CRB1: variants seen among roughly 807,000 people sequenced by gnomAD.
CRB1 encodes crumbs cell polarity complex component 1.
In CRB1, 83 loss-of-function variants were observed where a neutral mutation model predicts 120.0. The observed-to-expected ratio is 0.69, with a 90% CI of 0.58 to 0.83. CRB1 has a LOEUF of 0.83. Ranked by LOEUF, CRB1 falls within the 40% of genes least tolerant of loss-of-function variation. The pLI, the probability that CRB1 is intolerant of heterozygous loss-of-function variation, is 0.00. For synonymous variants in CRB1, 625 were observed against 612.5 expected, an observed-to-expected ratio of 1.02 and a Z score of -0.30; for missense variants, 1,699 against 1,687.6, an observed-to-expected ratio of 1.01 and a Z score of -0.12.
chr1:197,293,701 G>C (rs1483200303), intron 1 of CRB1, among the ~76,000 whole-genome samples: 2 of 152,074 alleles, frequency 1.3e-5, no homozygotes, highest in Non-Finnish European at 2.9e-5. Context: ...CATGGTACTG[G>C]TTCCAAAACA....
At chr1:197,343,205 T>C (rs951840274) in intron 2 of CRB1, among the ~76,000 whole-genome samples, 1 of 152,194 alleles carries the variant, frequency 6.6e-6, no homozygotes, top group African/African-American at 2.4e-5. Flanking sequence ...ATTGAACTAC[T>C]ACTGACTTCT....
intron 5 of CRB1, among the ~76,000 whole-genome samples, chr1:197,414,314 A>G (rs1663861203): frequency 1.3e-5 from 2 of 152,130 alleles, no homozygotes; most frequent in South Asian, 2.1e-4. Context: ...ATATAACTTC[A>G]TATTAGATAT....
intron 5 of CRB1, among the ~76,000 whole-genome samples, chr1:197,402,290 T>C (rs1036172853): frequency 2.6e-5 from 4 of 152,230 alleles, no homozygotes; most frequent in African/African-American, 4.8e-5. Flanking sequence ...CTCTCACTTA[T>C]ATGTGAGAAC....
intron 4 of CRB1, among the ~76,000 whole-genome samples, chr1:197,349,045 CCA>C (rs1407737358): frequency 6.6e-6 from 1 of 152,104 alleles, no homozygotes; most frequent in Non-Finnish European, 1.5e-5. Flanking sequence ...TTCCAGACCT[CCA>C]AGCTCTATTC....
At chr1:197,245,254 A>G in the CRB1 span, among the ~76,000 whole-genome samples, 22 of 151,868 alleles carry the variant, frequency 1.4e-4, no homozygotes, top group East Asian at 3.7e-3. Flanking sequence ...GAGACTTTCT[A>G]TTTCTTTAAG....
chr1:197,367,995 G>A (rs993948691), intron 5 of CRB1, among the ~76,000 whole-genome samples: 3 of 152,136 alleles, frequency 2.0e-5, no homozygotes, highest in African/African-American at 7.2e-5. Context: ...AAAATGAAGC[G>A]TTCACTTTTC....
the CRB1 span, among the ~76,000 whole-genome samples, chr1:197,208,070 T>C: frequency 1.3e-5 from 2 of 152,092 alleles, no homozygotes; most frequent in African/African-American, 2.4e-5. Context: ...CCAGAAGTTG[T>C]GATTTTTTTT....
chr1:197,221,390 A>G, the CRB1 span, among the ~76,000 whole-genome samples: 1 of 152,216 alleles, frequency 6.6e-6, no homozygotes, highest in African/African-American at 2.4e-5. Flanking sequence ...TTTAGAGTCA[A>G]GACCCTCTGT....
At chr1:197,222,295 T>C in the CRB1 span, 7 of 654,694 alleles carry the variant, frequency 1.1e-5, no homozygotes, top group East Asian at 2.1e-4. Flanking sequence ...TGGTCTGTTA[T>C]TTTCAGAAAT....
intron 5 of CRB1, among the ~76,000 whole-genome samples, chr1:197,371,964 C>A (rs915637688): frequency 5.9e-5 from 9 of 152,090 alleles, no homozygotes; most frequent in African/African-American, 2.2e-4. Flanking sequence ...ACACACAGGG[C>A]CCATGATGAG....
chr1:197,298,032 T>A (rs1043385749), intron 1 of CRB1, among the ~76,000 whole-genome samples: 1 of 151,958 alleles, frequency 6.6e-6, no homozygotes, highest in African/African-American at 2.4e-5. Flanking sequence ...TTCTGAGAAG[T>A]CTGGCTGTAA....
intron 8 of CRB1, among the ~76,000 whole-genome samples, chr1:197,431,345 G>A (rs1664860608): frequency 6.6e-6 from 1 of 152,028 alleles, no homozygotes; most frequent in East Asian, 1.9e-4. Flanking sequence ...TTAAGAAATA[G>A]GTACCACACA....
At chr1:197,445,541 C>G (rs913000959) in intron 11 of CRB1, among the ~76,000 whole-genome samples, 21 of 152,132 alleles carry the variant, frequency 1.4e-4, no homozygotes, top group Non-Finnish European at 2.9e-5. Flanking sequence ...CAACCAAAAT[C>G]TTTTTATCTT....
At chr1:197,281,368 G>C (rs1655511259) in intron 1 of CRB1, among the ~76,000 whole-genome samples, 1 of 151,890 alleles carries the variant, frequency 6.6e-6, no homozygotes, top group Non-Finnish European at 1.5e-5. Context: ...ACTGTGGCCT[G>C]TAGAGAGAGG....
intron 5 of CRB1, among the ~76,000 whole-genome samples, chr1:197,383,340 G>C (rs1252434914): frequency 6.6e-6 from 1 of 152,092 alleles, no homozygotes; most frequent in Non-Finnish European, 1.5e-5. Flanking sequence ...TGAATCATCA[G>C]ATAACCTCAA....
chr1:197,471,384 G>A (rs936500002), intron 11 of CRB1, among the ~76,000 whole-genome samples: 11 of 152,076 alleles, frequency 7.2e-5, no homozygotes, highest in African/African-American at 2.4e-4. Flanking sequence ...TTCTGTTCTC[G>A]GCAAACCCAG....
chr1:197,399,711 C>A (rs572786400), intron 5 of CRB1, among the ~76,000 whole-genome samples: 1 of 152,278 alleles, frequency 6.6e-6, no homozygotes, highest in South Asian at 2.1e-4. Context: ...TCAAAGTGTC[C>A]TCCAGGGCTG....
the CRB1 span, among the ~76,000 whole-genome samples, chr1:197,242,685 C>T: frequency 6.6e-6 from 1 of 152,128 alleles, no homozygotes; most frequent in Non-Finnish European, 1.5e-5. Flanking sequence ...ATGCTGGCCT[C>T]ATAAAATGAG....
intron 5 of CRB1, among the ~76,000 whole-genome samples, chr1:197,370,196 C>T (rs1452033876): frequency 6.6e-6 from 1 of 151,782 alleles, no homozygotes; most frequent in Non-Finnish European, 1.5e-5. Flanking sequence ...ATAGAGCATT[C>T]TTAAAGCATA....
Sources: gnomAD v4.1 joint callset for allele counts (sites outside exome capture counted in the v4.1 genomes callset) on GRCh38, gnomAD v4.1.1 for gene constraint, MANE v1.5 for transcripts, NCBI Gene and HGNC (gene_info 2026-07-23, HGNC 2026-07-21) for gene names.